The following ERC2 variants were observed in gnomAD, a reference collection of about 807,000 sequenced individuals.
ERC2 encodes ERC protein 2.
A neutral mutation model predicts 114.8 loss-of-function variants in ERC2; 42 were observed. The observed-to-expected ratio is 0.37, with a 90% CI of 0.29 to 0.47. ERC2 has a LOEUF of 0.47. Ranked by LOEUF, ERC2 falls within the 20% of genes least tolerant of loss-of-function variation. The pLI is 0.99. For missense variants in ERC2, 939 were observed against 1,150.7 expected, an observed-to-expected ratio of 0.82 and a Z score of 2.66; for synonymous variants, 454 against 425.5, an observed-to-expected ratio of 1.07 and a Z score of -0.82.
chr3:55,513,048 CCCTGGCCAGTCCTCCCTCA>C (rs1241889556), intron 17 of ERC2, among the ~76,000 whole-genome samples: 2 of 152,194 alleles, frequency 1.3e-5, no homozygotes, highest in East Asian at 3.8e-4. Flanking sequence ...GTGAGATGAT[CCCTGGCCAGTCCTCCCTCA>C]CCTGGACAGT....
At chr3:56,306,163 T>C (rs968812471) in intron 2 of ERC2, among the ~76,000 whole-genome samples, 13 of 152,138 alleles carry the variant, frequency 8.5e-5, no homozygotes, top group African/African-American at 2.4e-5. Context: ...ATATTGTCTA[T>C]TGCTACTTTT....
At chr3:55,674,355 C>T (rs1482864465) in intron 17 of ERC2, among the ~76,000 whole-genome samples, 1 of 152,170 alleles carries the variant, frequency 6.6e-6, no homozygotes, top group Non-Finnish European at 1.5e-5. Flanking sequence ...CCATCAAGTA[C>T]ATATTTACAA....
chr3:56,173,920 C>T (rs537784038), intron 3 of ERC2: 5 of 169,170 alleles, frequency 3.0e-5, no homozygotes, highest in South Asian at 1.6e-4. Flanking sequence ...GTTGCAAATC[C>T]GCTGCACGCA....
rs972628293 is a variant in ERC2 at position 56,213,683 on chromosome 3, G to A, written c.1075-40163C>T. On this transcript the variant is annotated intron_variant, in intron 3 of 17. Transcript: ENST00000288221. ...AAGAGAGTAGTGGTTCTCCCAGCAC[G>A]CAGCTTGACATCTGAGAACAGACAG... 3.0e-4 allele frequency among the ~76,000 whole-genome samples: 45 copies of A among 152,168 alleles called. 1 individual carries two copies. Among genetic ancestry groups the A allele is most frequent in the Admixed American group, 2.0e-3 (31 of 15,270 alleles).
chr3:56,063,453 C>T (rs889078463), intron 7 of ERC2, among the ~76,000 whole-genome samples: 3 of 152,106 alleles, frequency 2.0e-5, no homozygotes, highest in South Asian at 2.1e-4. Context: ...CATTTAAGTT[C>T]GGATTTTTTG....
chr3:56,283,146 G>A (rs933468891), intron 3 of ERC2, among the ~76,000 whole-genome samples: 5 of 152,180 alleles, frequency 3.3e-5, no homozygotes, highest in African/African-American at 1.2e-4. Context: ...GGTTTTTAAG[G>A]CATCTCAAGC....
intron 3 of ERC2, among the ~76,000 whole-genome samples, chr3:56,253,242 A>G (rs2052298379): frequency 6.6e-6 from 1 of 152,234 alleles, no homozygotes; most frequent in Non-Finnish European, 1.5e-5. Flanking sequence ...AAAAATAAAT[A>G]CAAGTAATCC....
chr3:56,081,774 G>A (rs901290473), intron 6 of ERC2, among the ~76,000 whole-genome samples: 2 of 151,368 alleles, frequency 1.3e-5, no homozygotes, highest in African/African-American at 2.4e-5. Context: ...ATATCACTGG[G>A]GTGGTAAAAA....
At chr3:55,839,712 C>A in intron 14 of ERC2, among the ~76,000 whole-genome samples, 1 of 151,382 alleles carries the variant, frequency 6.6e-6, no homozygotes, top group Admixed American at 6.6e-5. Context: ...AATAAATTGC[C>A]AAGATAAAGG....
chr3:55,973,875 G>A lies in ERC2; in HGVS notation c.2267+12102C>T, dbSNP rs116805221. Among the ~76,000 whole-genome samples the A allele has an allele frequency of 6.1e-3, 925 of 152,244 alleles. 15 individuals carry two copies. Among genetic ancestry groups the A allele is most frequent in the African/African-American group, 0.021 (884 of 41,550 alleles). On this transcript the variant is annotated intron_variant, in intron 12 of 17. Transcript: ENST00000288221. Reference sequence around the variant, plus strand: ...TAAACTTTACAAAACTTAGTTGATCGTATGATAAAAACAGCCTAAAAATAG... The same window carrying A: ...TAAACTTTACAAAACTTAGTTGATCATATGATAAAAACAGCCTAAAAATAG...
intron 2 of ERC2, among the ~76,000 whole-genome samples, chr3:56,393,470 GT>G: frequency 6.6e-6 from 1 of 152,252 alleles, no homozygotes; most frequent in Admixed American, 6.5e-5. Flanking sequence ...AAGGTTCCTA[GT>G]TATGGCCCCA....
Position 56,248,053 on chromosome 3 carries a change from T to C in ERC2, c.1074+47966A>G, listed in dbSNP as rs1210808163. 1.3e-5 allele frequency among the ~76,000 whole-genome samples: 2 copies of C among 152,182 alleles called. 1 individual carries two copies. Among genetic ancestry groups the C allele is most frequent in the African/African-American group, 4.8e-5 (2 of 41,446 alleles). On this transcript the variant is annotated intron_variant, in intron 3 of 17. Coordinates refer to ENST00000288221, the MANE Select transcript of ERC2 (RefSeq NM_015576.3). ...TATCTTCCTCTAATAATTCTTGTAA[T>C]TTTTTCATTCCTACCAATTCTTTTC...
rs146361363 is a variant in ERC2 at position 55,743,111 on chromosome 3, G to A, written c.2565-8193C>T. Among the ~76,000 whole-genome samples, 524 of 152,282 alleles carry A rather than the reference G, an allele frequency of 3.4e-3. 2 individuals carry two copies. The highest frequency in any genetic ancestry group is 5.7e-3 in the Non-Finnish European group (386 of 68,026). On this transcript the variant is annotated intron_variant, in intron 14 of 17. Transcript: ENST00000288221. ...CAAAAAAATAGTTTACTCCAATTAC[G>A]GAGAATTCTGTCTTTGAAACCTAAT... is the stretch of plus-strand genomic sequence containing the variant.
chr3:55,578,947 G>A (rs2057122172), intron 17 of ERC2, among the ~76,000 whole-genome samples: 1 of 152,140 alleles, frequency 6.6e-6, no homozygotes, highest in African/African-American at 2.4e-5. Context: ...GGTGGAGGTG[G>A]GAGTGGGGAG....
At chr3:55,808,266 G>A (rs1033188821) in intron 14 of ERC2, among the ~76,000 whole-genome samples, 1 of 152,116 alleles carries the variant, frequency 6.6e-6, no homozygotes, top group Non-Finnish European at 1.5e-5. Context: ...AGAATTTCTT[G>A]TGGGCCTCTG....
chr3:55,805,079 G>C (rs1247616171), intron 14 of ERC2, among the ~76,000 whole-genome samples: 1 of 151,924 alleles, frequency 6.6e-6, no homozygotes, highest in Non-Finnish European at 1.5e-5. Context: ...TGAAGCAATG[G>C]AGGAAGGAAG....
intron 17 of ERC2, among the ~76,000 whole-genome samples, chr3:55,599,210 T>C (rs1053053967): frequency 2.0e-5 from 3 of 152,174 alleles, no homozygotes; most frequent in Non-Finnish European, 4.4e-5. Context: ...GGAAGCCACG[T>C]TGCCTGCTTA....
At chr3:56,136,177 T>TA (rs1361329868) in intron 6 of ERC2, among the ~76,000 whole-genome samples, 2 of 151,986 alleles carry the variant, frequency 1.3e-5, no homozygotes, top group African/African-American at 4.8e-5. Flanking sequence ...TCCTACCAAC[T>TA]CCCAAATGCA....
At position 55,938,813 on chromosome 3, in the gene ERC2, C is replaced by T. The variant is rs116349498; in HGVS notation, c.2403+11612G>A. Among the ~76,000 whole-genome samples, 925 of 152,186 alleles carry T rather than the reference C, an allele frequency of 6.1e-3. 15 individuals carry two copies. Among genetic ancestry groups the T allele is most frequent in the African/African-American group, 0.021 (890 of 41,504 alleles). On this transcript the variant is annotated intron_variant, in intron 13 of 17. Coordinates refer to ENST00000288221, the MANE Select transcript of ERC2 (RefSeq NM_015576.3). Reference sequence around the variant, plus strand: ...TAACATGAGCCTAGAGCACTATATTCCATATTGCCTTAGCAGAAAAAAAGG... The same window carrying T: ...TAACATGAGCCTAGAGCACTATATTTCATATTGCCTTAGCAGAAAAAAAGG...
Sources: gnomAD v4.1 joint callset for allele counts (sites outside exome capture counted in the v4.1 genomes callset) on GRCh38, gnomAD v4.1.1 for gene constraint, MANE v1.5 for transcripts, NCBI Gene and HGNC (gene_info 2026-07-23, HGNC 2026-07-21) for gene names.